PSMB6: variants seen among roughly 807,000 people sequenced by gnomAD.
PSMB6 encodes proteasome 20S subunit beta 6, also known as proteasome subunit beta type-6.
Under a neutral mutation model 28.2 loss-of-function variants are expected in PSMB6, and 11 were observed. The ratio of observed to expected loss-of-function variants is 0.39; its 90% CI spans 0.25 to 0.65. The LOEUF (loss-of-function observed/expected upper bound fraction) is 0.65. Ranked by LOEUF, PSMB6 falls within the 30% of genes least tolerant of loss-of-function variation. PSMB6 has a pLI of 0.48. For missense variants in PSMB6, 268 were observed against 319.4 expected (o/e 0.84, Z 1.23); for synonymous variants, 126 against 117.7 (o/e 1.07, Z -0.45).
At chr17:4,796,870 G>A (rs907571185) in intron 2 of PSMB6, 75 bp downstream of exon 2, 1 of 1,266,862 alleles carries the variant, frequency 7.9e-7, no homozygotes, top group Non-Finnish European at 1.1e-6. Flanking sequence ...CACCCTGCCT[G>A]CCTCCACAGA....
chr17:4,798,029 G>A lies in PSMB6; in HGVS notation c.453G>A (p.Gly151=). The stretch of plus-strand genomic sequence containing the variant: ...GGCAGGTGTACTCAGTGCCTATGGG[G>A]GGTATGATGGTAAGGCAGTCCTTTG... ...EGGQVYSVPM[G]GMMVRQSFAI... The change falls in exon 5 of 6, where the codon GGG becomes GGA. Residue 151 remains glycine, a synonymous_variant. Transcript: ENST00000270586. 5 of 1,614,154 alleles carry A rather than the reference G, an allele frequency of 3.1e-6. No homozygotes were observed. Among genetic ancestry groups the A allele is most frequent in the Non-Finnish European group, 3.4e-6 (4 of 1,180,026 alleles).
At position 4,797,383 on chromosome 17, in the gene PSMB6, G is replaced by C; in HGVS notation, c.171-55G>C. On this transcript the variant is annotated intron_variant, in intron 2 of 5. Coordinates refer to ENST00000270586, the MANE Select transcript of PSMB6 (RefSeq NM_002798.3). ...AGCCCTAAGAGAGTGGGTAGTGATG[G>C]GATGGAGGTGGAAGACAGGTGGGCT... is the stretch of plus-strand genomic sequence containing the variant. 4.0e-6 allele frequency: 6 copies of C among 1,516,718 alleles called. 1 individual carries two copies. In the Middle Eastern group the frequency reaches 1.1e-3, roughly 271 times the overall value. 94.0% of individuals were successfully genotyped at this position (1,516,718 alleles called of 1,614,324 possible).
At chr17:4,796,368 GT>G in intron 1 of PSMB6, 72 bp downstream of exon 1, 1 of 1,252,756 alleles carries the variant, frequency 8.0e-7, no homozygotes, top group Non-Finnish European at 1.1e-6. Flanking sequence ...CCTGAGTGGG[GT>G]TGAGAGATCT....
intron 2 of PSMB6, 104 bp from the exon 3 acceptor site, chr17:4,797,334 G>C: frequency 1.4e-6 from 2 of 1,397,884 alleles, no homozygotes; most frequent in Non-Finnish European, 1.9e-6. Context: ...GGAAAAAAAG[G>C]CAATACTGGA....
chr17:4,797,629 T>C lies in PSMB6; in HGVS notation c.303-53T>C, dbSNP rs1018273473. 1.7e-5 allele frequency: 28 copies of C among 1,604,876 alleles called. No homozygotes were observed. In the African/African-American group the frequency reaches 1.9e-4, roughly 11 times the overall value. On this transcript the variant is annotated intron_variant, in intron 3 of 5. Coordinates refer to ENST00000270586, the MANE Select transcript of PSMB6 (RefSeq NM_002798.3). Reference sequence around the variant, plus strand: ...GGGAGTTGGAAGCTGAGGAGCTAAATAGCCTGACTTCTAGGTCTTGAAACT... The same window carrying C: ...GGGAGTTGGAAGCTGAGGAGCTAAACAGCCTGACTTCTAGGTCTTGAAACT...
At position 4,796,242 on chromosome 17, in the gene PSMB6, T is replaced by C. The variant is rs762784189; in HGVS notation, c.48T>C (p.Ala16=). Residue 16 remains alanine, a synonymous_variant, in exon 1 of 6, where the codon GCT becomes GCC. Coordinates refer to ENST00000270586, the MANE Select transcript of PSMB6 (RefSeq NM_002798.3). ...LAARGAGPAP[A]WGPEAFTPDW... ...CTCGGGGAGCCGGGCCAGCACCGGC[T>C]TGGGGGCCGGAGGCGTTCACTCCAG... 6 of 1,593,930 alleles carry C rather than the reference T, an allele frequency of 3.8e-6. No homozygotes were observed. The South Asian group carries it at 4.6e-5, about 12-fold the overall frequency.
chr17:4,796,747 A>G lies in PSMB6; in HGVS notation c.122A>G (p.Gln41Arg), dbSNP rs928708017. 1.9e-6 allele frequency: 3 copies of G among 1,608,982 alleles called. No homozygotes were observed. Among genetic ancestry groups the G allele is most frequent in the South Asian group, 2.2e-5 (2 of 90,976 alleles). The change falls in exon 2 of 6, where the codon CAG becomes CGG. Residue 41 changes from glutamine (Q) to arginine (R), a missense_variant. Coordinates refer to ENST00000270586, the MANE Select transcript of PSMB6 (RefSeq NM_002798.3). ...VSTGTTIMAV[Q>R]FDGGVVLGAD... ...TCCCAGACCACTATCATGGCCGTGC[A>G]GTTTGACGGGGGCGTGGTTCTGGGG... is the stretch of plus-strand genomic sequence containing the variant.
chr17:4,797,125 C>G, intron 2 of PSMB6: 1 of 417,948 alleles, frequency 2.4e-6, no homozygotes, highest in Admixed American at 4.2e-5. Flanking sequence ...ACCAGCCTGG[C>G]CAACATGGCG....
intron 4 of PSMB6, 41 bp downstream of exon 4, chr17:4,797,852 T>A: frequency 6.2e-7 from 1 of 1,611,014 alleles, no homozygotes; most frequent in Non-Finnish European, 8.5e-7. Flanking sequence ...GAGCCAGGAC[T>A]TTTATCCTCT....
In PSMB6 at chr17:4,797,769, G is replaced by C. The variant is rs746269217; in HGVS notation, c.390G>C (p.Ala130=). The change falls in exon 4 of 6, where the codon GCG becomes GCC. Residue 130 remains alanine, a synonymous_variant. Transcript: ENST00000270586. ...ACCGATACCGGGAAGACCTGATGGCGGGAATCATCATCGCAGGCTGGGACC... is the reference window on the plus strand; with the variant it reads ...ACCGATACCGGGAAGACCTGATGGCCGGAATCATCATCGCAGGCTGGGACC... ...MCYRYREDLM[A]GIIIAGWDPQ... The C allele has an allele frequency of 3.1e-6, 5 of 1,614,010 alleles. No individual in the cohort carries two copies. The highest frequency in any genetic ancestry group is 4.2e-6 in the Non-Finnish European group (5 of 1,180,034).
chr17:4,797,501 T>A lies in PSMB6; in HGVS notation c.234T>A (p.Cys78Ter), dbSNP rs1260813123. The A allele has an allele frequency of 6.2e-7, 1 of 1,605,034 alleles. No homozygotes were observed. The highest frequency in any genetic ancestry group is 8.5e-7 in the Non-Finnish European group (1 of 1,173,672). Residue 78 changes from cysteine (C) to a stop codon, truncating the protein, a stop_gained, in exon 3 of 6, where the codon TGT (cysteine) becomes TGA (stop). Coordinates refer to ENST00000270586, the MANE Select transcript of PSMB6 (RefSeq NM_002798.3). LOFTEE classifies it high-confidence loss of function. ...CTATTCACGACCGCATTTTCTGCTG[T>A]CGCTCAGGCTCAGCTGCTGATACCC... ...LTPIHDRIFC[C>*]RSGSAADTQA...
rs1168577648 is a variant in PSMB6, at chr17:4,796,217, C to T, written c.23C>T (p.Ala8Val). 1.3e-6 allele frequency: 2 copies of T among 1,590,838 alleles called. No homozygotes were observed. The highest frequency in any genetic ancestry group is 8.6e-7 in the Non-Finnish European group (1 of 1,168,712). ...AAGATGGCGGCTACCTTACTAGCTG[C>T]TCGGGGAGCCGGGCCAGCACCGGCT... MAATLLA[A>V]RGAGPAPAWG... Residue 8 changes from alanine (A) to valine (V), a missense_variant, in exon 1 of 6, where the codon GCT (alanine) becomes GTT (valine). Ala to Val is a moderately conservative substitution (Grantham distance 64, BLOSUM62 0). Coordinates refer to ENST00000270586, the MANE Select transcript of PSMB6 (RefSeq NM_002798.3).
At position 4,797,706 on chromosome 17, in the gene PSMB6, G is replaced by A; in HGVS notation, c.327G>A (p.Leu109=). 6.2e-7 allele frequency: 1 copy of A among 1,614,128 alleles called. No individual in the cohort carries two copies. Among genetic ancestry groups the A allele is most frequent in the Non-Finnish European group, 8.5e-7 (1 of 1,180,038 alleles). ...FHSIELNEPP[L]VHTAASLFKE... ...GCATTGAACTGAATGAGCCTCCACT[G>A]GTCCACACAGCAGCCAGCCTCTTTA... The change falls in exon 4 of 6, where the codon CTG becomes CTA. Residue 109 remains leucine (L), a synonymous_variant. Transcript: ENST00000270586.
At chr17:4,796,867 C>T (rs1905345935) in intron 2 of PSMB6, 72 bp downstream of exon 2, 1 of 1,290,646 alleles carries the variant, frequency 7.7e-7, no homozygotes, top group Non-Finnish European at 1.1e-6. Flanking sequence ...GCCCACCCTG[C>T]CTGCCTCCAC....
At chr17:4,796,411 T>C in intron 1 of PSMB6, 115 bp downstream of exon 1, 1 of 896,644 alleles carries the variant, frequency 1.1e-6, no homozygotes, top group Non-Finnish European at 1.7e-6. Flanking sequence ...GAATGTGTTG[T>C]GCTCCAGGAA....
chr17:4,796,425 G>A, intron 1 of PSMB6, 129 bp downstream of exon 1: 2 of 813,172 alleles, frequency 2.5e-6, no homozygotes, highest in South Asian at 1.7e-5. Flanking sequence ...CCAGGAATGG[G>A]GAGAGGTACC....
Position 4,798,108 on chromosome 17 carries a change from C to G in PSMB6, c.532C>G (p.Arg178Gly). Residue 178 changes from arginine (R) to glycine (G), a missense_variant, in exon 5 of 6, where the codon CGG becomes GGG. Physicochemically the swap from Arg to Gly is moderately radical, Grantham distance 125. Coordinates refer to ENST00000270586, the MANE Select transcript of PSMB6 (RefSeq NM_002798.3). Reference protein sequence around the residue: ...YIYGYVDATYREGMTKEECLQ... With the variant: ...YIYGYVDATYGEGMTKEECLQ... ...CTATGGCTATGTTGATGCTACCTAC[C>G]GGGAAGGCATGACCAAGGAAGAGTG... The G allele has an allele frequency of 3.7e-6, 6 of 1,614,130 alleles. No individual in the cohort carries two copies. The highest frequency in any genetic ancestry group is 4.2e-6 in the Non-Finnish European group (5 of 1,180,040).
chr17:4,797,302 G>A (rs1232209972), intron 2 of PSMB6, 136 bp from the exon 3 acceptor site: 12 of 1,122,970 alleles, frequency 1.1e-5, no homozygotes, highest in African/African-American at 7.8e-5. Context: ...GCAACAGAGC[G>A]AGACTCCATC....
intron 2 of PSMB6, 57 bp downstream of exon 2, chr17:4,796,852 T>C: frequency 7.6e-6 from 11 of 1,447,374 alleles, no homozygotes; most frequent in Non-Finnish European, 9.7e-6. Context: ...CTTTCCTGCC[T>C]GCCAGCCCAC....
Sources: allele counts gnomAD v4.1 joint callset, GRCh38; gene constraint gnomAD v4.1.1; transcripts MANE v1.5; gene names NCBI Gene and HGNC (gene_info 2026-07-23, HGNC 2026-07-21).